Variants in SLC5A12 observed in about 807,000 individuals in gnomAD.
SLC5A12 encodes the protein solute carrier family 5 member 12.
A neutral mutation model predicts 72.7 loss-of-function variants in SLC5A12; 46 were observed. The ratio of observed to expected loss-of-function variants is 0.63; its 90% confidence interval spans 0.50 to 0.81. SLC5A12 has a LOEUF of 0.81. SLC5A12 is among the 30% of genes least tolerant of loss of function. The probability of loss-of-function intolerance (pLI) is 0.00; values close to 1 mark genes in which losing one functional copy is unlikely to be tolerated. For synonymous variants in SLC5A12, 275 were observed against 264.4 expected (o/e 1.04, Z -0.39); for missense variants, 683 against 740.7 (o/e 0.92, Z 0.90).
rs754436680 is a variant in SLC5A12, at chr11:26,711,299, TAA to T, written c.457+6_457+7del. The stretch of plus-strand genomic sequence containing the variant: ...GTAAAATATGCCAAGAGAATGCTGA[TAA>T]CTCACCTTGATTGAGTGCCAGGGCA... On this transcript the variant is annotated splice_donor_region_variant and intron_variant, in intron 3 of 14. Transcript: ENST00000396005. The T allele has an allele frequency of 6.2e-7, 1 of 1,610,206 alleles. No homozygotes were observed. Among genetic ancestry groups the T allele is most frequent in the Admixed American group, 1.7e-5 (1 of 59,790 alleles).
At chr11:26,689,375 G>T (rs966105144) in intron 9 of SLC5A12, among the ~76,000 whole-genome samples, 2 of 152,082 alleles carry the variant, frequency 1.3e-5, no homozygotes, top group Admixed American at 1.3e-4. Flanking sequence ...ATTCCAGCCT[G>T]GGTAACAAGA....
chr11:26,699,233 G>C (rs1463428436), intron 6 of SLC5A12, among the ~76,000 whole-genome samples: 1 of 152,180 alleles, frequency 6.6e-6, no homozygotes, highest in Non-Finnish European at 1.5e-5. Flanking sequence ...GGACATGAAA[G>C]TAGGCTGGCC....
intron 13 of SLC5A12, among the ~76,000 whole-genome samples, chr11:26,678,327 T>C (rs1378508296): frequency 6.6e-6 from 1 of 152,136 alleles, no homozygotes; most frequent in Non-Finnish European, 1.5e-5. Flanking sequence ...AAAGCATCTT[T>C]TTTTAAATAA....
At position 26,721,367 on chromosome 11, in the gene SLC5A12, T is replaced by C; in HGVS notation, c.339+9A>G. 6.4e-7 allele frequency: 1 copy of C among 1,563,748 alleles called. No individual in the cohort carries two copies. On this transcript the variant is annotated intron_variant, in intron 1 of 14. Coordinates refer to ENST00000396005, the MANE Select transcript of SLC5A12 (RefSeq NM_178498.4). ...AAAAAATTAGAGAAGAATGGAGAAATCATCTTACCTCATAAGTGCTGGTGA... is the reference window on the plus strand; with the variant it reads ...AAAAAATTAGAGAAGAATGGAGAAACCATCTTACCTCATAAGTGCTGGTGA...
intron 13 of SLC5A12, among the ~76,000 whole-genome samples, chr11:26,674,377 C>CAAAAAAA (rs142621833): frequency 0.52 from 74,465 of 143,798 alleles, 19,070 homozygotes; most frequent in Middle Eastern, 0.62. Flanking sequence ...TTTCTAGAGA[C>CAAAAAAA]AAAAAAAATA....
rs201462985 is a variant in SLC5A12 at position 26,709,327 on chromosome 11, T to C, written c.510A>G (p.Thr170=). 25 of 1,611,516 alleles carry C rather than the reference T, an allele frequency of 1.6e-5. No individual in the cohort carries two copies. In the East Asian group the frequency reaches 5.4e-4, roughly 35 times the overall value. Residue 170 remains threonine (T), a synonymous_variant, in exon 4 of 15, where the codon ACA becomes ACG. Transcript: ENST00000396005. ...AGATACATACCAGGGTACAGTAGAA[T>C]GTGCAAACAATTCCTGTTGCAAACA... is the stretch of plus-strand genomic sequence containing the variant. The part of the protein sequence containing the change: ...GSVFATGIVC[T]FYCTLGGLKA...
intron 8 of SLC5A12, among the ~76,000 whole-genome samples, chr11:26,693,061 G>C (rs1854721954): frequency 6.6e-6 from 1 of 152,122 alleles, no homozygotes; most frequent in Non-Finnish European, 1.5e-5. Flanking sequence ...AGCATACAAT[G>C]GTGAACCAGA....
At chr11:26,697,040 C>T in intron 8 of SLC5A12, 124 bp downstream of exon 8, 2 of 785,108 alleles carry the variant, frequency 2.5e-6, no homozygotes, top group Non-Finnish European at 4.2e-6. Flanking sequence ...TGAGCAAATA[C>T]AAATAACACA....
intron 9 of SLC5A12, 21 bp from the exon 10 acceptor site, chr11:26,686,565 A>G (rs1223465779): frequency 6.2e-7 from 1 of 1,610,918 alleles, no homozygotes. Context: ...GAAAAATTAC[A>G]ATCATAATTT....
intron 4 of SLC5A12, chr11:26,709,025 T>C (rs972044258): frequency 8.1e-5 from 22 of 273,288 alleles, no homozygotes; most frequent in Middle Eastern, 1.1e-3. Flanking sequence ...AGAAGTAGCA[T>C]AGGGCCACCT....
chr11:26,679,787 A>T (rs558580605), intron 12 of SLC5A12, among the ~76,000 whole-genome samples: 2 of 152,238 alleles, frequency 1.3e-5, no homozygotes, highest in East Asian at 3.9e-4. Context: ...GCTCCAGGAT[A>T]AAAAGGTTGT....
chr11:26,708,690 G>A (rs1855148313), intron 4 of SLC5A12, among the ~76,000 whole-genome samples: 1 of 151,864 alleles, frequency 6.6e-6, no homozygotes, highest in African/African-American at 2.4e-5. Context: ...GCAGGGAATG[G>A]GCAAACAATA....
At chr11:26,718,709 G>A (rs1855410739) in intron 1 of SLC5A12, among the ~76,000 whole-genome samples, 1 of 151,556 alleles carries the variant, frequency 6.6e-6, no homozygotes, top group Admixed American at 6.6e-5. Flanking sequence ...GGCTGGTCTC[G>A]AACTCCTGAC....
intron 10 of SLC5A12, among the ~76,000 whole-genome samples, chr11:26,686,093 TAGTA>T (rs1292775299): frequency 6.6e-6 from 1 of 152,164 alleles, no homozygotes; most frequent in African/African-American, 2.4e-5. Flanking sequence ...GCCCAGAACA[TAGTA>T]AGTGTTACAT....
intron 9 of SLC5A12, 56 bp from the exon 10 acceptor site, chr11:26,686,600 G>C: frequency 1.3e-5 from 19 of 1,462,722 alleles, no homozygotes; most frequent in Non-Finnish European, 1.8e-5. Flanking sequence ...GACTTCAAGG[G>C]ATGCCTTGAG....
intron 4 of SLC5A12, among the ~76,000 whole-genome samples, chr11:26,705,900 G>A (rs1281194749): frequency 6.7e-6 from 1 of 149,214 alleles, no homozygotes; most frequent in Non-Finnish European, 1.5e-5. Context: ...TTCATACAGC[G>A]AGTCCTCACC....
intron 1 of SLC5A12, 33 bp downstream of exon 1, chr11:26,721,343 A>G (rs1234509435): frequency 6.5e-7 from 1 of 1,534,724 alleles, no homozygotes; most frequent in Non-Finnish European, 8.8e-7. Context: ...GATGAGAAAA[A>G]AAAATTAGAG....
At chr11:26,697,395 A>G in intron 7 of SLC5A12, 143 bp from the exon 8 acceptor site, 1 of 676,616 alleles carries the variant, frequency 1.5e-6, no homozygotes, top group Non-Finnish European at 2.4e-6. Flanking sequence ...AAAAGGAGGT[A>G]GGAAGTTTAT....
rs1854073553 is a variant in SLC5A12 at position 26,669,187 on chromosome 11, T to TTTCTTTCTTTCTTTCTTTCTTTCTTTC, written c.*1914_*1915insGAAAGAAAGAAAGAAAGAAAGAAAGAA. ...TGTCTTTTTCTTTCTTTCTTTCTTC[T>TTTCTTTCTTTCTTTCTTTCTTTCTTTC]TTTCTTTCTTTCTTTCTTTCTTTCT... On this transcript the variant is annotated 3_prime_UTR_variant, in exon 15 of 15. Transcript: ENST00000396005. The TTTCTTTCTTTCTTTCTTTCTTTCTTTC allele has an allele frequency of 3.6e-5, 4 of 111,000 alleles. No homozygotes were observed. Among genetic ancestry groups the TTTCTTTCTTTCTTTCTTTCTTTCTTTC allele is most frequent in the Non-Finnish European group, 5.9e-5 (3 of 50,886 alleles). The allele number at this position is 111,000 out of a possible 1,614,324, so 6.9% of individuals were successfully genotyped here. A position where few individuals can be genotyped will look rare whatever the true frequency, so the allele number is the denominator to read the frequency against.
Sources: allele counts gnomAD v4.1 joint callset (sites outside exome capture counted in the v4.1 genomes callset), GRCh38; gene constraint gnomAD v4.1.1; transcripts MANE v1.5; gene names NCBI Gene and HGNC (gene_info 2026-07-23, HGNC 2026-07-21).